ANO4: variants seen among roughly 807,000 people sequenced by gnomAD.
ANO4 encodes the protein anoctamin 4, also known as anoctamin-4.
Under a neutral mutation model 141.9 loss-of-function variants are expected in ANO4, and 69 were observed. The ratio of observed to expected loss-of-function variants is 0.49; its 90% CI spans 0.40 to 0.59. ANO4 has a LOEUF of 0.59. ANO4 is among the 20% of genes least tolerant of loss of function. The probability of loss-of-function intolerance (pLI) is 0.00; values close to 1 mark genes in which losing one functional copy is unlikely to be tolerated. For missense variants in ANO4, 894 were observed against 1,162.2 expected (o/e 0.77, Z 3.36); for synonymous variants, 350 against 394.3 (o/e 0.89, Z 1.33).
At chr12:100,895,710 C>G (rs1419286090) in intron 1 of ANO4, among the ~76,000 whole-genome samples, 1 of 151,658 alleles carries the variant, frequency 6.6e-6, no homozygotes, top group Non-Finnish European at 1.5e-5. Context: ...GACAGGCACC[C>G]ACCACCATGC....
At chr12:100,877,376 C>G (rs962940939) in intron 1 of ANO4, among the ~76,000 whole-genome samples, 1 of 150,902 alleles carries the variant, frequency 6.6e-6, no homozygotes, top group African/African-American at 2.4e-5. Flanking sequence ...TATATCAAAT[C>G]ATCACATTTT....
In ANO4 at chr12:100,864,231, C is replaced by T. The variant is rs529709173; in HGVS notation, c.-140-37415C>T. Among the ~76,000 whole-genome samples the T allele has an allele frequency of 3.3e-5, 5 of 152,198 alleles. 1 individual carries two copies. The highest frequency in any genetic ancestry group is 1.2e-4 in the African/African-American group (5 of 41,518). ...AATATTCTAATTGGCCTTTGAAAGT[C>T]AATATTCTAATTCTGACAGGCTTGG... is the stretch of plus-strand genomic sequence containing the variant. On this transcript the variant is annotated intron_variant, in intron 1 of 27. Transcript: ENST00000392977.
At chr12:100,774,658 A>C (rs532070369) in intron 3 of ANO4, among the ~76,000 whole-genome samples, 64 of 152,334 alleles carry the variant, frequency 4.2e-4, no homozygotes, top group Non-Finnish European at 8.2e-4. Flanking sequence ...ATGCGAATGC[A>C]CTTGCACACA....
chr12:101,097,508 A>G, intron 19 of ANO4, 143 bp from the exon 20 acceptor site: 5 of 762,852 alleles, frequency 6.6e-6, no homozygotes, highest in Non-Finnish European at 1.1e-5. Context: ...GTTATGACAG[A>G]TCTGGAGGGT....
chr12:100,793,573 A>T (rs1384972782), upstream of ANO4, among the ~76,000 whole-genome samples: 1 of 151,584 alleles, frequency 6.6e-6, no homozygotes, highest in East Asian at 1.9e-4. Context: ...GTCACCTGGA[A>T]AAAAAAAACA....
At chr12:100,759,659 G>C (rs1352849871) in intron 3 of ANO4, among the ~76,000 whole-genome samples, 1 of 152,124 alleles carries the variant, frequency 6.6e-6, no homozygotes. Context: ...GTGTAAATAT[G>C]AACTACTTTT....
rs1036640132 is a variant in ANO4, at chr12:101,087,464, A to G, written c.1701+640A>G. ...CTTGGTTCAGGAAAGTGAAGGCTTC[A>G]GTGAGCAGTGACAGGGCCACTGCAC... On this transcript the variant is annotated intron_variant, in intron 17 of 27. Coordinates refer to ENST00000392977, the MANE Select transcript of ANO4 (RefSeq NM_001286615.2). Among the ~76,000 whole-genome samples the G allele has an allele frequency of 6.6e-5, 10 of 152,144 alleles. No homozygotes were observed. The South Asian group carries it at 8.3e-4, about 13-fold the overall frequency.
At chr12:101,031,799 G>A (rs1229645866) in intron 9 of ANO4, among the ~76,000 whole-genome samples, 1 of 152,126 alleles carries the variant, frequency 6.6e-6, no homozygotes, top group Non-Finnish European at 1.5e-5. Context: ...TAGACAAGCA[G>A]AGAGCCAAAT....
chr12:100,874,338 G>A (rs2039186882), intron 1 of ANO4, among the ~76,000 whole-genome samples: 1 of 152,152 alleles, frequency 6.6e-6, no homozygotes, highest in African/African-American at 2.4e-5. Context: ...CTTGTACCAT[G>A]TGCCTGGAAA....
At chr12:100,881,444 G>C (rs1389938962) in intron 1 of ANO4, among the ~76,000 whole-genome samples, 1 of 136,402 alleles carries the variant, frequency 7.3e-6, no homozygotes, top group African/African-American at 2.8e-5. Context: ...AAAAAAAAAA[G>C]AATATGCTCC....
chr12:100,825,165 A>G lies in ANO4; in HGVS notation c.-141+30138A>G, dbSNP rs1399679499. 2.0e-5 allele frequency among the ~76,000 whole-genome samples: 3 copies of G among 152,052 alleles called. No individual in the cohort carries two copies. In the East Asian group the frequency reaches 5.8e-4, roughly 29 times the overall value. On this transcript the variant is annotated intron_variant, in intron 1 of 27. Transcript: ENST00000392977. ...TCTACATTTTTATTCCAACTCTTTTACTTAAGGAATCTGATAGTAGCTGCT... is the reference window on the plus strand; with the variant it reads ...TCTACATTTTTATTCCAACTCTTTTGCTTAAGGAATCTGATAGTAGCTGCT...
chr12:100,733,178 C>T (rs1321199019), intron 1 of ANO4, among the ~76,000 whole-genome samples: 1 of 152,194 alleles, frequency 6.6e-6, no homozygotes. Flanking sequence ...AGAAGCCAAA[C>T]TTGTTAACTT....
chr12:100,786,701 TG>T (rs1172125609), intron 3 of ANO4, among the ~76,000 whole-genome samples: 2 of 152,260 alleles, frequency 1.3e-5, no homozygotes, highest in African/African-American at 4.8e-5. Context: ...CTCAATTACT[TG>T]GGTTAGCATT....
At chr12:101,116,530 G>A (rs2050859289) in intron 24 of ANO4, 149 bp from the exon 25 acceptor site, 2 of 1,113,640 alleles carry the variant, frequency 1.8e-6, no homozygotes, top group Non-Finnish European at 2.6e-6. Context: ...GGGCTTTCCA[G>A]CGTATCCCAA....
chr12:100,788,777 G>A (rs1310220850), intron 3 of ANO4, among the ~76,000 whole-genome samples: 1 of 152,086 alleles, frequency 6.6e-6, no homozygotes, highest in Non-Finnish European at 1.5e-5. Context: ...AACAGTCCTT[G>A]CCTGAGTGGA....
intron 1 of ANO4, among the ~76,000 whole-genome samples, chr12:100,724,619 C>T (rs1212344392): frequency 6.6e-6 from 1 of 152,168 alleles, no homozygotes; most frequent in East Asian, 1.9e-4. Context: ...AGTGGAAACA[C>T]ACTTTATATC....
chr12:100,728,094 T>G (rs1314389035), intron 1 of ANO4, among the ~76,000 whole-genome samples: 2 of 152,186 alleles, frequency 1.3e-5, no homozygotes, highest in Non-Finnish European at 2.9e-5. Context: ...AAAATTATTA[T>G]TTTATATTGA....
At chr12:100,892,905 C>T (rs570219978) in intron 1 of ANO4, among the ~76,000 whole-genome samples, 12 of 152,244 alleles carry the variant, frequency 7.9e-5, no homozygotes, top group Admixed American at 3.9e-4. Context: ...CTGCCACCCC[C>T]GGCACCCTCC....
chr12:100,840,402 T>C (rs186397984), intron 1 of ANO4, among the ~76,000 whole-genome samples: 3 of 152,250 alleles, frequency 2.0e-5, no homozygotes, highest in Non-Finnish European at 4.4e-5. Context: ...ACTTTCTTTA[T>C]TGAAGGCAGT....
Sources: allele counts gnomAD v4.1 joint callset (sites outside exome capture counted in the v4.1 genomes callset), GRCh38; gene constraint gnomAD v4.1.1; transcripts MANE v1.5; gene names NCBI Gene and HGNC (gene_info 2026-07-23, HGNC 2026-07-21).